The following ZNF730 variants were observed in gnomAD, a reference collection of about 807,000 sequenced individuals.
ZNF730 encodes putative zinc finger protein 730.
A neutral mutation model predicts 12.6 loss-of-function variants in ZNF730; 12 were observed. The ratio of observed to expected loss-of-function variants is 0.95; its 90% CI spans 0.61 to 1.54. The LOEUF (loss-of-function observed/expected upper bound fraction) is 1.54, where lower values mean the gene tolerates loss of function less well. Among genes scored for constraint, ZNF730 ranks in the 40% most tolerant of loss-of-function variants. The probability of loss-of-function intolerance (pLI) is 0.00; values close to 1 mark genes in which losing one functional copy is unlikely to be tolerated. For synonymous variants in ZNF730, 194 were observed against 195.8 expected, an observed-to-expected ratio of 0.99 and a Z score of 0.08; for missense variants, 643 against 583.5, an observed-to-expected ratio of 1.10 and a Z score of -1.05.
At chr19:23,115,685 C>G (rs939898656), upstream of ZNF730, among the ~76,000 whole-genome samples, 2 of 108,626 alleles carry the variant, frequency 1.8e-5, no homozygotes, top group African/African-American at 5.9e-5. Flanking sequence ...GAAGCAGAAG[C>G]TCACCCCCAG....
At chr19:23,114,674 G>A (rs572570518), upstream of ZNF730, among the ~76,000 whole-genome samples, 92 of 152,154 alleles carry the variant, frequency 6.0e-4, no homozygotes, top group African/African-American at 2.1e-3. Context: ...TCTTTTAGAA[G>A]TTTTCAAATG....
chr19:23,098,850 G>T (rs1970294127), intron 1 of ZNF730, among the ~76,000 whole-genome samples: 1 of 152,114 alleles, frequency 6.6e-6, no homozygotes, highest in African/African-American at 2.4e-5. Flanking sequence ...CAGGTGTGAT[G>T]ATGACTCTAA....
chr19:23,132,552 A>G (rs954635622), intron 1 of ZNF730, among the ~76,000 whole-genome samples: 70 of 150,380 alleles, frequency 4.7e-4, no homozygotes, highest in African/African-American at 1.5e-3. Context: ...CTTATATGCC[A>G]TGATTCTCAC....
At chr19:23,082,339 C>G (rs1335653303) in intron 1 of ZNF730, among the ~76,000 whole-genome samples, 4 of 150,884 alleles carry the variant, frequency 2.7e-5, no homozygotes, top group Non-Finnish European at 4.4e-5. Flanking sequence ...CATGTTGTTG[C>G]AAATAGCAGA....
chr19:23,109,416 C>CT lies in ZNF730; in HGVS notation c.-93-24654dup, dbSNP rs1307904124. ...GCTAATTTTTTTTTTCCTTTTTTTT[C>CT]TTTTTTTTTTGAGGCGGAGTCTCCA... On this transcript the variant is annotated intron_variant, in intron 1 of 2. Transcript: ENST00000593635. 3.0e-3 allele frequency among the ~76,000 whole-genome samples: 428 copies of CT among 141,854 alleles called. 2 individuals carry two copies. The highest frequency in any genetic ancestry group is 7.3e-3 in the Middle Eastern group (2 of 274). The allele number at this position is 141,854 out of a possible 152,430, so 93.1% of individuals were successfully genotyped here.
At chr19:23,102,199 A>T (rs915969950) in intron 1 of ZNF730, among the ~76,000 whole-genome samples, 1 of 152,148 alleles carries the variant, frequency 6.6e-6, no homozygotes, top group Non-Finnish European at 1.5e-5. Flanking sequence ...GTCTCTGGTA[A>T]CTGGGCCTTG....
At chr19:23,117,855 A>C (rs566255655) in intron 1 of ZNF730, among the ~76,000 whole-genome samples, 154 of 152,310 alleles carry the variant, frequency 1.0e-3, no homozygotes, top group Non-Finnish European at 1.2e-3. Context: ...TTAATGTAGT[A>C]ATTTACAAAA....
intron 1 of ZNF730, chr19:23,127,715 T>C: frequency 8.1e-7 from 1 of 1,232,430 alleles, no homozygotes; most frequent in South Asian, 1.2e-5. Context: ...AGGATCACTT[T>C]GAAGATCTAC....
chr19:23,143,112 C>T (rs1970950289), intron 3 of ZNF730, among the ~76,000 whole-genome samples: 2 of 152,076 alleles, frequency 1.3e-5, no homozygotes, highest in Admixed American at 1.3e-4. Flanking sequence ...GGCGTGGTGG[C>T]AGGCACCTGT....
At chr19:23,088,179 C>T (rs1180574431) in intron 1 of ZNF730, among the ~76,000 whole-genome samples, 2 of 152,000 alleles carry the variant, frequency 1.3e-5, no homozygotes, top group East Asian at 3.9e-4. Context: ...ACCACCACGC[C>T]TGGCTAATTT....
upstream of ZNF730, among the ~76,000 whole-genome samples, chr19:23,114,392 C>T (rs1329617678): frequency 1.4e-5 from 2 of 144,024 alleles, no homozygotes; most frequent in Non-Finnish European, 3.0e-5. Context: ...CTGCAAGCTC[C>T]GCCTCCCGGG....
chr19:23,119,120 A>G (rs75984480), intron 1 of ZNF730, among the ~76,000 whole-genome samples: 1 of 152,148 alleles, frequency 6.6e-6, no homozygotes, highest in South Asian at 2.1e-4. Flanking sequence ...TTCTTGCTCC[A>G]GTTTTCAAGA....
chr19:23,086,577 TG>T (rs1286305161), intron 1 of ZNF730, among the ~76,000 whole-genome samples: 1 of 152,238 alleles, frequency 6.6e-6, no homozygotes, highest in Non-Finnish European at 1.5e-5. Flanking sequence ...TTGTCAGCTT[TG>T]TCAAAGGTCA....
At chr19:23,116,299 TTTTTC>T (rs565630328), upstream of ZNF730, among the ~76,000 whole-genome samples, 8,489 of 149,130 alleles carry the variant, frequency 0.057, 277 homozygotes, top group Middle Eastern at 0.089. Context: ...GTTATTCTGC[TTTTTC>T]TTTTCTTTTC....
At chr19:23,139,184 A>G (rs768038786) in intron 3 of ZNF730, among the ~76,000 whole-genome samples, 6 of 152,184 alleles carry the variant, frequency 3.9e-5, no homozygotes, top group African/African-American at 9.7e-5. Context: ...TTTATTCTCA[A>G]ATATTTGGTT....
At chr19:23,117,302 C>T (rs879489902) in intron 1 of ZNF730, 126 bp downstream of exon 1, 199 of 1,559,538 alleles carry the variant, frequency 1.3e-4, no homozygotes, top group Non-Finnish European at 1.6e-4. Flanking sequence ...AGTTCTTGCC[C>T]AGCTCGGCCT....
chr19:23,145,429 G>T lies in ZNF730; in HGVS notation c.385G>T (p.Gly129Cys), dbSNP rs942801841. The change falls in exon 4 of 4, where the codon GGT becomes TGT. Residue 129 changes from glycine (G) to cysteine (C), a missense_variant. Coordinates refer to ENST00000597761, the MANE Select transcript of ZNF730 (RefSeq NM_001277403.2). Reference sequence around the variant, plus strand: ...GGATGAGTTTAAGATGCACAAAAAAGGTTATAATAGACATAACCAGTGTTT... The same window carrying T: ...GGATGAGTTTAAGATGCACAAAAAATGTTATAATAGACATAACCAGTGTTT... ...NVDEFKMHKK[G>C]YNRHNQCLTT... 12 of 1,581,394 alleles carry T rather than the reference G, an allele frequency of 7.6e-6. No individual in the cohort carries two copies. In the Admixed American group the frequency reaches 1.7e-4, roughly 22 times the overall value.
intron 1 of ZNF730, among the ~76,000 whole-genome samples, chr19:23,130,299 G>T (rs1198901752): frequency 6.6e-6 from 1 of 152,170 alleles, no homozygotes; most frequent in Non-Finnish European, 1.5e-5. Context: ...CACTATCTAT[G>T]TAAAATGTGA....
intron 1 of ZNF730, chr19:23,123,312 G>C (rs1424063808): frequency 6.6e-6 from 1 of 152,536 alleles, no homozygotes; most frequent in African/African-American, 2.4e-5. Flanking sequence ...GCTCACGCCT[G>C]TAATCCCAGC....
Sources: gnomAD v4.1 joint callset for allele counts (sites outside exome capture counted in the v4.1 genomes callset) on GRCh38, gnomAD v4.1.1 for gene constraint, MANE v1.5 for transcripts, NCBI Gene and HGNC (gene_info 2026-07-23, HGNC 2026-07-21) for gene names.